The following KNDC1 variants were observed in gnomAD, a reference collection of about 807,000 sequenced individuals.
KNDC1 encodes the protein kinase non-catalytic C-lobe domain containing 1.
KNDC1 carries 106 observed loss-of-function variants against 172.8 expected under a neutral mutation model. That is an observed-to-expected ratio of 0.61 (90% CI 0.52 to 0.72). The LOEUF (loss-of-function observed/expected upper bound fraction) is 0.72. KNDC1 is among the 30% of genes least tolerant of loss of function. The pLI is 0.00. For synonymous variants in KNDC1, 1,083 were observed against 1,062.2 expected, an observed-to-expected ratio of 1.02 and a Z score of -0.38; for missense variants, 2,325 against 2,394.5, an observed-to-expected ratio of 0.97 and a Z score of 0.61.
chr10:133,205,728 G>A (rs1462038668), intron 17 of KNDC1, among the ~76,000 whole-genome samples: 2 of 152,174 alleles, frequency 1.3e-5, no homozygotes, highest in African/African-American at 4.8e-5. Flanking sequence ...CAGCACTTTG[G>A]GAGGCTGAGA....
chr10:133,182,240 T>TA (rs1853739742), intron 3 of KNDC1, among the ~76,000 whole-genome samples: 1 of 151,452 alleles, frequency 6.6e-6, no homozygotes, highest in Non-Finnish European at 1.5e-5. Flanking sequence ...GGTCTCAGGG[T>TA]TCTGTGACGA....
intron 29 of KNDC1, among the ~76,000 whole-genome samples, chr10:133,222,066 G>A (rs1344863735): frequency 7.5e-5 from 1 of 13,332 alleles, no homozygotes; most frequent in Non-Finnish European, 7.3e-4. Flanking sequence ...CGGATCACTT[G>A]AGGTCAGGAG....
At position 133,219,084 on chromosome 10, in the gene KNDC1, C is replaced by T. The variant is rs755466890; in HGVS notation, c.4854C>T (p.Ala1618=). 1.2e-6 allele frequency: 2 copies of T among 1,613,668 alleles called. No homozygotes were observed. Among genetic ancestry groups the T allele is most frequent in the Non-Finnish European group, 1.7e-6 (2 of 1,179,884 alleles). The change falls in exon 28 of 30, where the codon GCC becomes GCT. Residue 1618 remains alanine (A), a synonymous_variant. Transcript: ENST00000304613. ...CAGAGGTCATGGAGGAGCTGAAAGC[C>T]GTGGAGGTACCAGCACTTTACGTGG... ...KIAEVMEELK[A]VEVFLKSDSL...
Position 133,224,362 on chromosome 10 carries a change from T to G in KNDC1, c.5019-297T>G, listed in dbSNP as rs1845677270. Among the ~76,000 whole-genome samples, 1 of 152,096 alleles carries G rather than the reference T, an allele frequency of 6.6e-6. No homozygotes were observed. Among genetic ancestry groups the G allele is most frequent in the Non-Finnish European group, 1.5e-5 (1 of 68,016 alleles). On this transcript the variant is annotated intron_variant, in intron 29 of 29. Transcript: ENST00000304613. This position sits in a 1 kb window ranked among gnomAD's most constrained non-coding sequence, Gnocchi z 5.4. Reference sequence around the variant, plus strand: ...GCCTCGTCCTCTCAGCTGCAGCCCCTGCGGCAGACTGGGCTTGACTCTTCT... The same window carrying G: ...GCCTCGTCCTCTCAGCTGCAGCCCCGGCGGCAGACTGGGCTTGACTCTTCT...
In KNDC1 at chr10:133,182,875, C is replaced by T. The variant is rs900025399; in HGVS notation, c.361-469C>T. Among the ~76,000 whole-genome samples the T allele has an allele frequency of 4.7e-5, 7 of 149,186 alleles. No individual in the cohort carries two copies. The East Asian group carries it at 8.0e-4, about 17-fold the overall frequency. On this transcript the variant is annotated intron_variant, in intron 3 of 29. Transcript: ENST00000304613. The stretch of plus-strand genomic sequence containing the variant: ...GTGGTGTGGGCGTGGGTGGCATGGG[C>T]GCAGGCGGCAAGGGCATGGGTGGCG...
intron 9 of KNDC1, among the ~76,000 whole-genome samples, chr10:133,190,571 G>A (rs1203804632): frequency 6.6e-6 from 1 of 152,230 alleles, no homozygotes; most frequent in African/African-American, 2.4e-5. Context: ...AGACTTGGAG[G>A]TAAAGAAGCC....
intron 1 of KNDC1, among the ~76,000 whole-genome samples, chr10:133,166,779 C>G (rs1236291653): frequency 6.6e-6 from 1 of 151,788 alleles, no homozygotes; most frequent in African/African-American, 2.4e-5. Flanking sequence ...TGGCAACCAT[C>G]GTGATCACAG....
chr10:133,200,791 G>A (rs1854342761), intron 16 of KNDC1, among the ~76,000 whole-genome samples: 2 of 152,218 alleles, frequency 1.3e-5, no homozygotes, highest in Admixed American at 1.3e-4. Context: ...GGAGCCGCCG[G>A]GAGCCAGGTG....
intron 1 of KNDC1, chr10:133,167,062 C>T (rs941175871): frequency 3.3e-5 from 14 of 422,302 alleles, no homozygotes; most frequent in African/African-American, 1.4e-4. Flanking sequence ...CCTGCGGGGT[C>T]GGGGTGCTCC....
At chr10:133,177,969 A>G (rs1205881234) in intron 3 of KNDC1, among the ~76,000 whole-genome samples, 1 of 141,340 alleles carries the variant, frequency 7.1e-6, no homozygotes, top group African/African-American at 2.7e-5. Context: ...GTATGTGTGT[A>G]GCGTGCATGT....
intron 21 of KNDC1, among the ~76,000 whole-genome samples, 177 bp downstream of exon 21, chr10:133,210,901 G>A (rs147120148): frequency 0.013 from 1,925 of 152,258 alleles, 27 homozygotes; most frequent in Middle Eastern, 0.02. Context: ...ACAGGGATGC[G>A]GAGAAAGCAG....
At chr10:133,207,385 G>A (rs780612179) in intron 20 of KNDC1, 34 bp downstream of exon 20, 2 of 1,595,716 alleles carry the variant, frequency 1.3e-6, no homozygotes. Context: ...CGGAAAAGGA[G>A]ACGTAGCCCG....
intron 20 of KNDC1, among the ~76,000 whole-genome samples, chr10:133,207,716 G>A (rs764782290): frequency 2.6e-4 from 40 of 152,244 alleles, no homozygotes; most frequent in Admixed American, 5.2e-4. Context: ...CAGAACACCC[G>A]GGGTAATTAG....
chr10:133,206,785 C>G lies in KNDC1; in HGVS notation c.3481+7C>G. ...AAGGAAAAGAGGAACAAAGGTAAGG[C>G]CCCTGTGGGCACAGGTCCGAGACCC... is the stretch of plus-strand genomic sequence containing the variant. On this transcript the variant is annotated splice_region_variant and intron_variant, in intron 18 of 29. Transcript: ENST00000304613. 1 of 1,613,810 alleles carries G rather than the reference C, an allele frequency of 6.2e-7. No homozygotes were observed. The highest frequency in any genetic ancestry group is 2.2e-5 in the East Asian group (1 of 44,882).
At chr10:133,180,647 T>G (rs1853689461) in intron 3 of KNDC1, among the ~76,000 whole-genome samples, 1 of 152,254 alleles carries the variant, frequency 6.6e-6, no homozygotes, top group African/African-American at 2.4e-5. Context: ...ACATGGGCAC[T>G]TAGAGCTCTT....
chr10:133,198,454 C>G lies in KNDC1; in HGVS notation c.2024C>G (p.Thr675Arg). 1.2e-6 allele frequency: 2 copies of G among 1,605,784 alleles called. No homozygotes were observed. Among genetic ancestry groups the G allele is most frequent in the Non-Finnish European group, 1.7e-6 (2 of 1,176,632 alleles). Residue 675 changes from threonine to arginine, a missense_variant, in exon 13 of 30, where the codon ACG becomes AGG. Physicochemically the swap from Thr to Arg is moderately conservative, Grantham distance 71. Transcript: ENST00000304613. ...CCTGCAGCGTTCACCTCCGAGGCCA[C>G]GCACTTCAAGCCCATTGTCCTCGCG... ...QLPAAFTSEA[T>R]HFKPIVLAQN...
rs553366905 is a variant in KNDC1 at position 133,205,790 on chromosome 10, G to A, written c.3388-895G>A. ...TTGGAGGTTGCAGTGAGTTGTGATC[G>A]CGCCACTGCACTCCCACCTGGGCAG... On this transcript the variant is annotated intron_variant, in intron 17 of 29. Transcript: ENST00000304613. Among the ~76,000 whole-genome samples, 478 of 152,204 alleles carry A rather than the reference G, an allele frequency of 3.1e-3. 1 individual carries two copies. The highest frequency in any genetic ancestry group is 5.0e-3 in the Non-Finnish European group (337 of 68,022).
chr10:133,201,573 A>C lies in KNDC1; in HGVS notation c.3062A>C (p.Asp1021Ala). ...TCACCCACCTCGGTGTCGGATGTGG[A>C]CTCGGACGCACTGTCACGGGGAAAC... Reference protein sequence around the residue: ...PCSPTSVSDVDSDALSRGNFE... With the variant: ...PCSPTSVSDVASDALSRGNFE... Residue 1021 changes from aspartate to alanine, a missense_variant, in exon 17 of 30, where the codon GAC becomes GCC. By Grantham distance (126) the Asp-to-Ala change is moderately radical (BLOSUM62 -2). Transcript: ENST00000304613. 1 of 1,612,690 alleles carries C rather than the reference A, an allele frequency of 6.2e-7. No individual in the cohort carries two copies. The highest frequency in any genetic ancestry group is 8.5e-7 in the Non-Finnish European group (1 of 1,179,880).
chr10:133,207,578 G>C (rs560934791), intron 20 of KNDC1, among the ~76,000 whole-genome samples: 8 of 152,382 alleles, frequency 5.2e-5, no homozygotes, highest in African/African-American at 1.7e-4. Flanking sequence ...CAGGTCTCAG[G>C]GTGCGCCTGG....
Sources: gnomAD v4.1 joint callset for allele counts (sites outside exome capture counted in the v4.1 genomes callset) on GRCh38, gnomAD v4.1.1 for gene constraint, Gnocchi (gnomAD v3.1) non-coding constraint, MANE v1.5 for transcripts, NCBI Gene and HGNC (gene_info 2026-07-23, HGNC 2026-07-21) for gene names.